Variants in ATP2A2 observed in about 807,000 individuals in gnomAD.
ATP2A2 encodes the protein ATPase sarcoplasmic/endoplasmic reticulum Ca2+ transporting 2, also known as sarcoplasmic/endoplasmic reticulum calcium ATPase 2.
A neutral mutation model predicts 109.3 loss-of-function variants in ATP2A2; 14 were observed. That is an observed-to-expected ratio of 0.13 (90% confidence interval 0.08 to 0.20). ATP2A2 has a LOEUF of 0.20. ATP2A2 is among the 10% of genes least tolerant of loss of function. The pLI, the probability that ATP2A2 is intolerant of heterozygous loss-of-function variation, is 1.00. For missense variants in ATP2A2, 657 were observed against 1,321.6 expected, an observed-to-expected ratio of 0.50 and a Z score of 7.80; for synonymous variants, 506 against 490.9, an observed-to-expected ratio of 1.03 and a Z score of -0.41.
At chr12:110,284,214 T>G (rs1592785760) in intron 3 of ATP2A2, among the ~76,000 whole-genome samples, 1 of 152,172 alleles carries the variant, frequency 6.6e-6, no homozygotes, top group African/African-American at 2.4e-5. Context: ...TTTTACCAAT[T>G]AAGGGAAATG....
intron 8 of ATP2A2, among the ~76,000 whole-genome samples, 191 bp downstream of exon 8, chr12:110,328,208 A>G (rs1238442495): frequency 6.6e-6 from 1 of 152,020 alleles, no homozygotes; most frequent in African/African-American, 2.4e-5. Flanking sequence ...AAAATACAGG[A>G]TATCTGTATG....
At chr12:110,296,556 T>G (rs1388913737) in intron 4 of ATP2A2, 43 bp from the exon 5 acceptor site, 3 of 1,612,962 alleles carry the variant, frequency 1.9e-6, no homozygotes, top group East Asian at 4.5e-5. Context: ...ATAATTGCAG[T>G]GTCAGGCAGG....
Position 110,339,768 on chromosome 12 carries a change from G to T in ATP2A2, c.1761+47G>T. The T allele has an allele frequency of 6.3e-7, 1 of 1,579,642 alleles. No homozygotes were observed. Among genetic ancestry groups the T allele is most frequent in the Non-Finnish European group, 8.7e-7 (1 of 1,150,426 alleles). Reference sequence around the variant, plus strand: ...TTGTCCACACCCTGCACGATTCATTGTGTTTAAACAGTACTCCTTCAAGCA... The same window carrying T: ...TTGTCCACACCCTGCACGATTCATTTTGTTTAAACAGTACTCCTTCAAGCA... On this transcript the variant is annotated intron_variant, in intron 13 of 19. Coordinates refer to ENST00000539276, the MANE Select transcript of ATP2A2 (RefSeq NM_170665.4). This position sits in a 1 kb window ranked among gnomAD's most constrained non-coding sequence, Gnocchi z 4.4.
chr12:110,339,334 A>G lies in ATP2A2; in HGVS notation c.1473A>G (p.Arg491=), dbSNP rs748934047. The change falls in exon 12 of 20, where the codon AGA becomes AGG. Residue 491 remains arginine (R), a synonymous_variant. Coordinates refer to ENST00000539276, the MANE Select transcript of ATP2A2 (RefSeq NM_170665.4). This position sits in a 1 kb window ranked among gnomAD's most constrained non-coding sequence, Gnocchi z 4.4. ...KEFTLEFSRD[R]KSMSVYCTPN... is the part of the protein sequence containing the mutation. ...TCACTCTAGAGTTTTCACGTGACAG[A>G]AAGTCAATGTCGGTTTACTGTACAC... The G allele has an allele frequency of 1.9e-6, 3 of 1,614,194 alleles. No individual in the cohort carries two copies. Among genetic ancestry groups the G allele is most frequent in the African/African-American group, 1.3e-5 (1 of 75,054 alleles).
In ATP2A2 at chr12:110,323,032, C is replaced by T. The variant is rs1208461399; in HGVS notation, c.504C>T (p.Ile168=). 1 of 1,613,322 alleles carries T rather than the reference C, an allele frequency of 6.2e-7. No individual in the cohort carries two copies. The highest frequency in any genetic ancestry group is 8.5e-7 in the Non-Finnish European group (1 of 1,179,290). Residue 168 remains isoleucine (I), a synonymous_variant, in exon 6 of 20, where the codon ATC becomes ATT. Coordinates refer to ENST00000539276, the MANE Select transcript of ATP2A2 (RefSeq NM_170665.4). The part of the protein sequence containing the change: ...KVPADIRLTS[I]KSTTLRVDQS... ...CTGCTGATATAAGGTTAACTTCCAT[C>T]AAATCTACCACACTAAGAGTTGACC...
intron 3 of ATP2A2, among the ~76,000 whole-genome samples, chr12:110,285,411 A>G (rs1252569361): frequency 6.6e-6 from 1 of 152,172 alleles, no homozygotes; most frequent in Non-Finnish European, 1.5e-5. Flanking sequence ...TAAATGTAAC[A>G]CATCGTATGG....
chr12:110,314,175 A>C (rs1876408000), intron 5 of ATP2A2, among the ~76,000 whole-genome samples: 1 of 151,964 alleles, frequency 6.6e-6, no homozygotes, highest in Non-Finnish European at 1.5e-5. Context: ...CTAAAAATTC[A>C]AAATTAGCTG....
At position 110,346,134 on chromosome 12, in the gene ATP2A2, G is replaced by A. The variant is rs1287612215; in HGVS notation, c.2859+16G>A. The A allele has an allele frequency of 6.2e-7, 1 of 1,614,038 alleles. No individual in the cohort carries two copies. Among genetic ancestry groups the A allele is most frequent in the Non-Finnish European group, 8.5e-7 (1 of 1,180,032 alleles). ...ACCCTTGCCAGTAAGTGGTTGGGTG[G>A]GGCTTGGGACCAGCCACCTCCTTCC... is the stretch of plus-strand genomic sequence containing the variant. On this transcript the variant is annotated intron_variant, in intron 19 of 19. Transcript: ENST00000539276.
chr12:110,294,791 G>A (rs879840533), intron 4 of ATP2A2, among the ~76,000 whole-genome samples: 2 of 152,114 alleles, frequency 1.3e-5, no homozygotes, highest in Non-Finnish European at 2.9e-5. Flanking sequence ...GAGGGGCATA[G>A]TCTTTTATTT....
intron 3 of ATP2A2, among the ~76,000 whole-genome samples, chr12:110,288,724 T>C (rs1592791296): frequency 6.6e-6 from 1 of 152,226 alleles, no homozygotes; most frequent in African/African-American, 2.4e-5. Flanking sequence ...TAATTCTTTA[T>C]ATTCAACCTG....
At position 110,350,500 on chromosome 12, in the gene ATP2A2, C is replaced by T; in HGVS notation, c.*4030C>T. 2.4e-6 allele frequency: 2 copies of T among 835,120 alleles called. No homozygotes were observed. Among genetic ancestry groups the T allele is most frequent in the South Asian group, 3.4e-5 (2 of 58,102 alleles). The allele number at this position is 835,120 out of a possible 1,614,324, so 51.7% of individuals were successfully genotyped here. A position where few individuals can be genotyped will look rare whatever the true frequency, so the allele number is the denominator to read the frequency against. On this transcript the variant is annotated 3_prime_UTR_variant, in exon 20 of 20. Coordinates refer to ENST00000539276, the MANE Select transcript of ATP2A2 (RefSeq NM_170665.4). ...GGTTGTTAGCTTTTAAATCAAAATA[C>T]TGATTACAGATGTACAATTTAGCTT...
chr12:110,309,404 C>T (rs528729217), intron 5 of ATP2A2, among the ~76,000 whole-genome samples: 14 of 151,640 alleles, frequency 9.2e-5, no homozygotes, highest in East Asian at 2.0e-4. Context: ...GTGATCCGCC[C>T]GCCTCAGCCT....
chr12:110,303,563 A>G (rs764369627), intron 5 of ATP2A2, among the ~76,000 whole-genome samples: 9 of 152,182 alleles, frequency 5.9e-5, no homozygotes, highest in Admixed American at 1.3e-4. Flanking sequence ...GGCACGTACC[A>G]CCACGCCCAG....
intron 5 of ATP2A2, among the ~76,000 whole-genome samples, chr12:110,305,176 C>A (rs571540692): frequency 7.2e-5 from 11 of 152,186 alleles, no homozygotes; most frequent in Admixed American, 7.2e-4. Flanking sequence ...TCAAATGATC[C>A]GCCTGCCTCA....
intron 5 of ATP2A2, among the ~76,000 whole-genome samples, chr12:110,297,051 A>T (rs1874033853): frequency 6.6e-6 from 1 of 152,212 alleles, no homozygotes; most frequent in Non-Finnish European, 1.5e-5. Flanking sequence ...GTTATAGTGA[A>T]CAATTTGTTA....
intron 1 of ATP2A2, 40 bp downstream of exon 1, chr12:110,281,947 C>G (rs764826116): frequency 2.7e-6 from 4 of 1,507,018 alleles, no homozygotes; most frequent in Non-Finnish European, 3.6e-6. Flanking sequence ...CCGGCGCGGC[C>G]GGGAGAGCCA....
intron 16 of ATP2A2, among the ~76,000 whole-genome samples, chr12:110,344,072 C>T (rs1473345121): frequency 6.6e-6 from 1 of 152,168 alleles, no homozygotes; most frequent in East Asian, 1.9e-4. Flanking sequence ...ACCCTGTGCC[C>T]TTCCGGAGAG....
Position 110,343,244 on chromosome 12 carries a change from A to G in ATP2A2, c.2331A>G (p.Thr777=), listed in dbSNP as rs142707321. 3 of 1,614,004 alleles carry G rather than the reference A, an allele frequency of 1.9e-6. No individual in the cohort carries two copies. The African/African-American group carries it at 4.0e-5, about 22-fold the overall frequency. Residue 777 remains threonine (T), a synonymous_variant, in exon 16 of 20, where the codon ACA becomes ACG. Transcript: ENST00000539276. ...TGATTGGAAACAGTATTTTCCTGACAGCAGCCCTTGGATTTCCCGAGGCTT... is the reference window on the plus strand; with the variant it reads ...TGATTGGAAACAGTATTTTCCTGACGGCAGCCCTTGGATTTCCCGAGGCTT... ...NVGEVVCIFL[T]AALGFPEALI...
In ATP2A2 at chr12:110,349,480, ACTCTGCAGAATGCAGATGATCCATT is replaced by A. The variant is rs1213530959; in HGVS notation, c.*3013_*3037del. ...TCATACATACCCTAACTGGGACACCACTCTGCAGAATGCAGATGATCCATTCTGGAGGAAGCTGTCCCTTGAGCTC... is the reference window on the plus strand; with the variant it reads ...TCATACATACCCTAACTGGGACACCACTGGAGGAAGCTGTCCCTTGAGCTC... On this transcript the variant is annotated 3_prime_UTR_variant, in exon 20 of 20. Coordinates refer to ENST00000539276, the MANE Select transcript of ATP2A2 (RefSeq NM_170665.4). 1.0e-6 allele frequency: 1 copy of A among 985,290 alleles called. No individual in the cohort carries two copies. Among genetic ancestry groups the A allele is most frequent in the Non-Finnish European group, 1.2e-6 (1 of 830,038 alleles). 61.0% of individuals were successfully genotyped at this position (985,290 alleles called of 1,614,324 possible).
Sources: gnomAD v4.1 joint callset for allele counts (sites outside exome capture counted in the v4.1 genomes callset) on GRCh38, gnomAD v4.1.1 for gene constraint, Gnocchi (gnomAD v3.1) non-coding constraint, MANE v1.5 for transcripts, NCBI Gene and HGNC (gene_info 2026-07-23, HGNC 2026-07-21) for gene names.